MCC: variants seen among roughly 807,000 people sequenced by gnomAD.
MCC encodes the protein MCC regulator of Wnt signaling pathway, also known as colorectal mutant cancer protein.
In MCC, 90 loss-of-function variants were observed where a neutral mutation model predicts 116.2. That is an observed-to-expected ratio of 0.77 (90% confidence interval 0.65 to 0.92). The LOEUF is 0.92. Among genes scored for constraint, MCC ranks in the 40% least tolerant of loss-of-function variants. The pLI is 0.00. For missense variants in MCC, 1,516 were observed against 1,312.2 expected (o/e 1.16, Z -2.40); for synonymous variants, 578 against 510.5 (o/e 1.13, Z -1.78).
chr5:113,064,832 C>T lies in MCC; in HGVS notation c.2030-665G>A, dbSNP rs145778001. Among the ~76,000 whole-genome samples, 85 of 152,178 alleles carry T rather than the reference C, an allele frequency of 5.6e-4. 2 individuals carry two copies. The East Asian group carries it at 0.016, about 28-fold the overall frequency. ...ACAGACCAGGCAGTGAAGTCCCTGC[C>T]CAAAATGTTCACATTCCTATTGTGA... On this transcript the variant is annotated intron_variant, in intron 13 of 18. Transcript: ENST00000408903.
At position 113,451,510 on chromosome 5, in the gene MCC, G is replaced by A. The variant is rs535213776; in HGVS notation, c.170+36735C>T. Among the ~76,000 whole-genome samples the A allele has an allele frequency of 2.6e-5, 4 of 152,262 alleles. No individual in the cohort carries two copies. In the East Asian group the frequency reaches 5.8e-4, roughly 22 times the overall value. On this transcript the variant is annotated intron_variant, in intron 1 of 18. Coordinates refer to ENST00000408903, the MANE Select transcript of MCC (RefSeq NM_001085377.2). Reference sequence around the variant, plus strand: ...AGCACTTTGGGAGGCCGAGGCGGGCGGATCACCTGAGTTCGGGAGTTCAAG... The same window carrying A: ...AGCACTTTGGGAGGCCGAGGCGGGCAGATCACCTGAGTTCGGGAGTTCAAG...
In MCC at chr5:113,434,231, G is replaced by T. The variant is rs374401521; in HGVS notation, c.171-49019C>A. On this transcript the variant is annotated intron_variant, in intron 1 of 18. Coordinates refer to ENST00000408903, the MANE Select transcript of MCC (RefSeq NM_001085377.2). The surrounding 1 kb of genome is among the most constrained non-coding windows in gnomAD (Gnocchi z 4.2). ...CGCAGACCATGATGTAGAGGATCAC[G>T]CCTAGGCTCCAGATGTCGTACACCT... 3 of 1,614,054 alleles carry T rather than the reference G, an allele frequency of 1.9e-6. No individual in the cohort carries two copies. Among genetic ancestry groups the T allele is most frequent in the Admixed American group, 3.3e-5 (2 of 60,022 alleles).
intron 1 of MCC, among the ~76,000 whole-genome samples, chr5:113,468,352 T>C (rs1039667356): frequency 6.6e-6 from 1 of 152,170 alleles, no homozygotes; most frequent in African/African-American, 2.4e-5. Flanking sequence ...TTGAGATACA[T>C]ACCATCAATA....
At chr5:113,325,001 T>TAA (rs1200370198) in intron 3 of MCC, among the ~76,000 whole-genome samples, 3 of 141,978 alleles carry the variant, frequency 2.1e-5, no homozygotes, top group African/African-American at 7.7e-5. Flanking sequence ...CCCAGCTAAT[T>TAA]AAAAAAAAAA....
At chr5:113,068,046 C>A (rs771650339) in intron 13 of MCC, 34 bp downstream of exon 13, 1 of 1,556,538 alleles carries the variant, frequency 6.4e-7, no homozygotes, top group South Asian at 1.1e-5. Flanking sequence ...GGCAGGGAGA[C>A]AAGAGGAGGA....
At chr5:113,335,019 A>C (rs955347767) in intron 3 of MCC, among the ~76,000 whole-genome samples, 2 of 151,768 alleles carry the variant, frequency 1.3e-5, no homozygotes, top group African/African-American at 2.4e-5. Context: ...AGCATGCTCT[A>C]TGCTGAAGAA....
At chr5:113,429,955 G>T (rs1481884149) in intron 1 of MCC, among the ~76,000 whole-genome samples, 1 of 152,202 alleles carries the variant, frequency 6.6e-6, no homozygotes, top group Non-Finnish European at 1.5e-5. Flanking sequence ...TGTACATTCA[G>T]GCCTGAAATG....
chr5:113,209,656 C>T (rs1039019339), intron 3 of MCC, among the ~76,000 whole-genome samples: 2 of 152,142 alleles, frequency 1.3e-5, no homozygotes, highest in African/African-American at 4.8e-5. Context: ...CTCCAAGACA[C>T]CACTGAACTC....
At chr5:113,079,018 GACAA>G (rs1463902148) in intron 11 of MCC, among the ~76,000 whole-genome samples, 4 of 152,128 alleles carry the variant, frequency 2.6e-5, no homozygotes, top group African/African-American at 9.7e-5. Flanking sequence ...ACCAATAACA[GACAA>G]ACAGAGAGCC....
intron 5 of MCC, among the ~76,000 whole-genome samples, chr5:113,130,519 C>T (rs903190893): frequency 3.9e-5 from 6 of 152,092 alleles, no homozygotes; most frequent in Non-Finnish European, 5.9e-5. Flanking sequence ...TGAGAGCCTG[C>T]TATGGTTTGA....
intron 1 of MCC, among the ~76,000 whole-genome samples, chr5:113,405,307 A>G (rs1037456520): frequency 1.3e-5 from 2 of 152,216 alleles, no homozygotes; most frequent in Non-Finnish European, 2.9e-5. Flanking sequence ...CAGTTGTCCA[A>G]AGTGTATCAG....
chr5:113,042,927 T>C (rs1013124914), intron 17 of MCC, among the ~76,000 whole-genome samples: 6 of 152,186 alleles, frequency 3.9e-5, no homozygotes, highest in Admixed American at 2.0e-4. Flanking sequence ...CAAGTACATA[T>C]GTGGTTCACA....
chr5:113,064,277 G>C (rs972038990), intron 13 of MCC, 110 bp from the exon 14 acceptor site: 2 of 1,015,840 alleles, frequency 2.0e-6, no homozygotes, highest in Non-Finnish European at 1.4e-6. Flanking sequence ...TGGCACTGTG[G>C]AAGGGAATTG....
intron 5 of MCC, among the ~76,000 whole-genome samples, chr5:113,139,077 C>T (rs1292659486): frequency 6.6e-6 from 1 of 152,104 alleles, no homozygotes; most frequent in Non-Finnish European, 1.5e-5. Context: ...AGCTTAGCCA[C>T]TACAACTATC....
intron 1 of MCC, among the ~76,000 whole-genome samples, chr5:113,426,095 C>T (rs960424692): frequency 2.6e-5 from 4 of 151,956 alleles, no homozygotes; most frequent in African/African-American, 9.7e-5. Flanking sequence ...GCAGCCAGGC[C>T]CAGGAAATAA....
chr5:113,365,940 T>C (rs1768676947), intron 2 of MCC, among the ~76,000 whole-genome samples: 1 of 152,218 alleles, frequency 6.6e-6, no homozygotes, highest in African/African-American at 2.4e-5. Context: ...AACTTGACCC[T>C]GTGATCTAAT....
chr5:113,306,835 T>A (rs1766997874), intron 3 of MCC, among the ~76,000 whole-genome samples: 1 of 152,184 alleles, frequency 6.6e-6, no homozygotes, highest in African/African-American at 2.4e-5. Flanking sequence ...TTTCCTCTAA[T>A]AATTTTTTTA....
chr5:113,288,556 G>A (rs1290644023), intron 3 of MCC, among the ~76,000 whole-genome samples: 5 of 152,196 alleles, frequency 3.3e-5, no homozygotes, highest in African/African-American at 1.2e-4. Context: ...CCACTTGGAG[G>A]CTATGGCAGT....
At chr5:113,218,520 T>G (rs919686864) in intron 3 of MCC, among the ~76,000 whole-genome samples, 2 of 152,194 alleles carry the variant, frequency 1.3e-5, no homozygotes, top group African/African-American at 4.8e-5. Context: ...CCTCCTTCAC[T>G]ACAAATCCCA....
Sources: allele counts gnomAD v4.1 joint callset (sites outside exome capture counted in the v4.1 genomes callset), GRCh38; gene constraint gnomAD v4.1.1; non-coding constraint Gnocchi (gnomAD v3.1); transcripts MANE v1.5; gene names NCBI Gene and HGNC (gene_info 2026-07-23, HGNC 2026-07-21).